Variants in VTI1A observed in about 807,000 individuals in gnomAD.
The protein encoded by VTI1A is vesicle transport through interaction with t-SNAREs 1A.
Under a neutral mutation model 34.9 loss-of-function variants are expected in VTI1A, and 22 were observed. That is an observed-to-expected ratio of 0.63 (90% confidence interval 0.45 to 0.90). The LOEUF (loss-of-function observed/expected upper bound fraction) is 0.90. VTI1A is among the 40% of genes least tolerant of loss of function. The pLI is 0.00. For synonymous variants in VTI1A, 87 were observed against 97.3 expected (o/e 0.89, Z 0.62); for missense variants, 268 against 275.6 (o/e 0.97, Z 0.20).
intron 3 of VTI1A, among the ~76,000 whole-genome samples, chr10:112,505,409 C>T (rs948696833): frequency 1.3e-5 from 2 of 152,054 alleles, no homozygotes; most frequent in African/African-American, 4.8e-5. Flanking sequence ...TTGAGATATA[C>T]AATTATATCA....
intron 7 of VTI1A, among the ~76,000 whole-genome samples, chr10:112,705,513 C>G (rs1243958529): frequency 6.6e-6 from 1 of 152,114 alleles, no homozygotes; most frequent in East Asian, 1.9e-4. Flanking sequence ...TCCCTCTACC[C>G]CTACCCCCGA....
intron 5 of VTI1A, among the ~76,000 whole-genome samples, chr10:112,543,889 C>T (rs1018780268): frequency 6.6e-6 from 1 of 152,192 alleles, no homozygotes; most frequent in Non-Finnish European, 1.5e-5. Context: ...TTTCAACTTT[C>T]CAGATATGGC....
chr10:112,682,929 T>G (rs1848270028), intron 7 of VTI1A, among the ~76,000 whole-genome samples: 2 of 152,228 alleles, frequency 1.3e-5, no homozygotes, highest in African/African-American at 4.8e-5. Context: ...GGTGCCATTC[T>G]TTCACACACA....
chr10:112,585,530 T>C (rs1844113831), intron 5 of VTI1A, among the ~76,000 whole-genome samples: 1 of 152,206 alleles, frequency 6.6e-6, no homozygotes, highest in South Asian at 2.1e-4. Flanking sequence ...GCTTGAATAT[T>C]CTTATAGGCA....
At chr10:112,460,267 GTC>G (rs1302745298) in intron 1 of VTI1A, among the ~76,000 whole-genome samples, 1 of 152,034 alleles carries the variant, frequency 6.6e-6, no homozygotes, top group Non-Finnish European at 1.5e-5. Flanking sequence ...ATAATTTTTA[GTC>G]TCTCTTAAAA....
chr10:112,565,965 T>C (rs1851891856), intron 5 of VTI1A, among the ~76,000 whole-genome samples: 1 of 152,090 alleles, frequency 6.6e-6, no homozygotes, highest in Non-Finnish European at 1.5e-5. Flanking sequence ...AATTTGTAAC[T>C]TAAGCATGTG....
intron 5 of VTI1A, among the ~76,000 whole-genome samples, chr10:112,554,694 A>G (rs1427190084): frequency 6.6e-6 from 1 of 152,058 alleles, no homozygotes; most frequent in African/African-American, 2.4e-5. Flanking sequence ...TGTCCTTTCC[A>G]GTAACTATGA....
intron 7 of VTI1A, among the ~76,000 whole-genome samples, chr10:112,797,645 A>C (rs991890102): frequency 6.6e-6 from 1 of 152,184 alleles, no homozygotes; most frequent in Admixed American, 6.5e-5. Context: ...TGGGGATAGG[A>C]GGGAAACTAA....
chr10:112,516,507 G>T (rs1396278976), intron 3 of VTI1A, among the ~76,000 whole-genome samples: 1 of 151,930 alleles, frequency 6.6e-6, no homozygotes, highest in Admixed American at 6.6e-5. Context: ...GTTAGAAAAG[G>T]TATCTCCTTT....
At chr10:112,605,887 C>T (rs1332917620) in intron 5 of VTI1A, among the ~76,000 whole-genome samples, 1 of 152,112 alleles carries the variant, frequency 6.6e-6, no homozygotes, top group Non-Finnish European at 1.5e-5. Flanking sequence ...CAACTTTTCA[C>T]ACAAAGCTAG....
intron 7 of VTI1A, among the ~76,000 whole-genome samples, chr10:112,776,285 T>C (rs1851954142): frequency 6.6e-6 from 1 of 152,116 alleles, no homozygotes; most frequent in South Asian, 2.1e-4. Flanking sequence ...CACTGGAGAA[T>C]TGGGGTGGGG....
chr10:112,594,829 C>T (rs910838291), intron 5 of VTI1A, among the ~76,000 whole-genome samples: 3 of 151,676 alleles, frequency 2.0e-5, no homozygotes, highest in African/African-American at 4.9e-5. Context: ...TCATATGGAA[C>T]CAAAAAAGAA....
chr10:112,479,108 A>G (rs1460686782), intron 3 of VTI1A, among the ~76,000 whole-genome samples: 2 of 152,188 alleles, frequency 1.3e-5, no homozygotes, highest in African/African-American at 2.4e-5. Context: ...CAGAGTTTGC[A>G]GTGAGCCAAG....
chr10:112,658,198 C>A (rs1182102641), intron 5 of VTI1A, among the ~76,000 whole-genome samples: 1 of 152,112 alleles, frequency 6.6e-6, no homozygotes, highest in East Asian at 1.9e-4. Flanking sequence ...AGTGATCTTC[C>A]CGCCTTAGCC....
chr10:112,562,613 A>G (rs1034870966), intron 5 of VTI1A, among the ~76,000 whole-genome samples: 1 of 152,054 alleles, frequency 6.6e-6, no homozygotes, highest in Non-Finnish European at 1.5e-5. Context: ...CTTGATTTAG[A>G]TAGTTTTATC....
chr10:112,594,912 A>G (rs1267568777), intron 5 of VTI1A, among the ~76,000 whole-genome samples: 73 of 151,280 alleles, frequency 4.8e-4, no homozygotes, highest in African/African-American at 1.7e-3. Context: ...TTCAAACTAT[A>G]CTACAAGGCT....
intron 5 of VTI1A, among the ~76,000 whole-genome samples, chr10:112,634,919 AT>A (rs1846288187): frequency 6.6e-6 from 1 of 152,174 alleles, no homozygotes; most frequent in Non-Finnish European, 1.5e-5. Context: ...TGCATAATAA[AT>A]AAACTCTGGG....
At chr10:112,606,407 C>A (rs995905691) in intron 5 of VTI1A, among the ~76,000 whole-genome samples, 23 of 152,124 alleles carry the variant, frequency 1.5e-4, no homozygotes, top group Non-Finnish European at 1.9e-4. Flanking sequence ...GCTGCTCCTC[C>A]CCCGAATTCC....
chr10:112,814,660 C>G (rs1048878687), intron 7 of VTI1A, among the ~76,000 whole-genome samples: 2 of 152,110 alleles, frequency 1.3e-5, no homozygotes, highest in African/African-American at 2.4e-5. Flanking sequence ...ACCTTGAGTA[C>G]ATTGTATATT....
Sources: gnomAD v4.1 joint callset for allele counts (sites outside exome capture counted in the v4.1 genomes callset) on GRCh38, gnomAD v4.1.1 for gene constraint, MANE v1.5 for transcripts, NCBI Gene and HGNC (gene_info 2026-07-23, HGNC 2026-07-21) for gene names.